GOLIM4: variants seen among roughly 807,000 people sequenced by gnomAD.
The protein encoded by GOLIM4 is 130 kDa golgi-localized phosphoprotein.
A neutral mutation model predicts 107.4 loss-of-function variants in GOLIM4; 71 were observed. The ratio of observed to expected loss-of-function variants is 0.66; its 90% CI spans 0.55 to 0.81. The LOEUF (loss-of-function observed/expected upper bound fraction) is 0.81. Ranked by LOEUF, GOLIM4 falls within the 30% of genes least tolerant of loss-of-function variation. The probability of loss-of-function intolerance (pLI) is 0.00; values close to 1 mark genes in which losing one functional copy is unlikely to be tolerated. For missense variants in GOLIM4, 830 were observed against 826.1 expected (o/e 1.00, Z -0.06); for synonymous variants, 327 against 294.8 (o/e 1.11, Z -1.12).
intron 14 of GOLIM4, among the ~76,000 whole-genome samples, chr3:168,016,975 T>C (rs932212917): frequency 2.7e-5 from 4 of 149,434 alleles, no homozygotes; most frequent in African/African-American, 1.0e-4. Flanking sequence ...TGCACCAGCA[T>C]GGCACATGTA....
chr3:168,046,689 T>C (rs1198988460), intron 3 of GOLIM4, among the ~76,000 whole-genome samples: 1 of 152,004 alleles, frequency 6.6e-6, no homozygotes, highest in African/African-American at 2.4e-5. Flanking sequence ...AACAAATAAA[T>C]GAAATAATCT....
At chr3:168,012,024 A>G (rs376864321) in intron 14 of GOLIM4, among the ~76,000 whole-genome samples, 12,056 of 128,498 alleles carry the variant, frequency 0.094, 1,719 homozygotes, top group African/African-American at 0.35. Flanking sequence ...CACCAGCAAC[A>G]GAACAAAGCT....
intron 7 of GOLIM4, among the ~76,000 whole-genome samples, chr3:168,038,800 T>C (rs1006004545): frequency 2.6e-5 from 4 of 152,206 alleles, no homozygotes; most frequent in Admixed American, 1.3e-4. Context: ...CCTCTCAAAA[T>C]TCATATGTTA....
At chr3:168,010,501 A>G in intron 15 of GOLIM4, 83 bp from the exon 16 acceptor site, 2 of 1,013,188 alleles carry the variant, frequency 2.0e-6, no homozygotes. Context: ...AGGATGAAAA[A>G]TTACTCATTT....
At chr3:168,037,516 A>G (rs1351637710) in intron 7 of GOLIM4, among the ~76,000 whole-genome samples, 1 of 152,074 alleles carries the variant, frequency 6.6e-6, no homozygotes, top group Non-Finnish European at 1.5e-5. Context: ...TTTCCCCCTC[A>G]GTTAATTTGT....
chr3:168,074,356 A>T (rs990122217), intron 1 of GOLIM4, among the ~76,000 whole-genome samples: 3 of 152,210 alleles, frequency 2.0e-5, no homozygotes, highest in African/African-American at 2.4e-5. Flanking sequence ...TAACTAGTCA[A>T]CTTTTCAGGA....
intron 1 of GOLIM4, among the ~76,000 whole-genome samples, chr3:168,068,568 A>T (rs1025343271): frequency 6.6e-6 from 1 of 151,266 alleles, no homozygotes. Context: ...TAACTTAAGG[A>T]TAGTTTTTTT....
intron 5 of GOLIM4, among the ~76,000 whole-genome samples, chr3:168,042,982 TC>T (rs1261526012): frequency 6.6e-6 from 1 of 152,158 alleles, no homozygotes; most frequent in Non-Finnish European, 1.5e-5. Context: ...AAGTCTCTGC[TC>T]CCTTGGAGAT....
intron 1 of GOLIM4, among the ~76,000 whole-genome samples, chr3:168,087,566 G>A (rs1292128045): frequency 6.6e-6 from 1 of 152,160 alleles, no homozygotes; most frequent in Non-Finnish European, 1.5e-5. Context: ...CCCTGGAAAT[G>A]CTGCATCAAA....
At chr3:168,078,963 T>A (rs9823861) in intron 1 of GOLIM4, among the ~76,000 whole-genome samples, 74,140 of 151,516 alleles carry the variant, frequency 0.49, 19,161 homozygotes, top group African/African-American at 0.62. Flanking sequence ...GGTCATATTT[T>A]AAAATTTGTA....
In GOLIM4 at chr3:168,027,798, CCTT is replaced by C. The variant is rs774110873; in HGVS notation, c.1550_1552del (p.Glu517del). On this transcript the variant is annotated inframe_deletion, in exon 12 of 16. Coordinates refer to ENST00000470487, the MANE Select transcript of GOLIM4 (RefSeq NM_014498.5). Reference sequence around the variant, plus strand: ...AGGCTCATGTCTATTACCTGGATCTCCTTCTGCTTCATCTTGGTGCTGGTTGTC... The same window carrying C: ...AGGCTCATGTCTATTACCTGGATCTCCTGCTTCATCTTGGTGCTGGTTGTC... 2 of 1,613,478 alleles carry C rather than the reference CCTT, an allele frequency of 1.2e-6. No homozygotes were observed. Among genetic ancestry groups the C allele is most frequent in the South Asian group, 2.2e-5 (2 of 91,048 alleles).
At chr3:168,029,450 A>G in intron 10 of GOLIM4, 148 bp from the exon 11 acceptor site, 1 of 548,504 alleles carries the variant, frequency 1.8e-6, no homozygotes, top group Non-Finnish European at 3.1e-6. Flanking sequence ...CCTCTTATGT[A>G]TGCAATTAGG....
intron 5 of GOLIM4, among the ~76,000 whole-genome samples, chr3:168,041,949 C>T (rs1719030632): frequency 6.6e-6 from 1 of 151,942 alleles, no homozygotes; most frequent in Admixed American, 6.5e-5. Flanking sequence ...TGTAGTACTG[C>T]CTCAAGACTA....
At chr3:168,073,354 C>T (rs781723184) in intron 1 of GOLIM4, among the ~76,000 whole-genome samples, 15 of 152,170 alleles carry the variant, frequency 9.9e-5, no homozygotes, top group Admixed American at 2.0e-4. Flanking sequence ...TAATAACATT[C>T]ATGTTTAGTA....
chr3:168,043,598 CACAGT>C, intron 4 of GOLIM4, 69 bp from the exon 5 acceptor site: 1 of 1,234,480 alleles, frequency 8.1e-7, no homozygotes, highest in Non-Finnish European at 1.1e-6. Context: ...TTCTTGACAG[CACAGT>C]AAACAAAAAC....
intron 6 of GOLIM4, 90 bp from the exon 7 acceptor site, chr3:168,040,959 C>A: frequency 1.3e-6 from 1 of 798,446 alleles, no homozygotes. Context: ...CCAAATGTTA[C>A]TTGCTTGTTT....
At chr3:168,029,493 G>T (rs1393435233) in intron 10 of GOLIM4, among the ~76,000 whole-genome samples, 191 bp from the exon 11 acceptor site, 1 of 151,708 alleles carries the variant, frequency 6.6e-6, no homozygotes, top group Non-Finnish European at 1.5e-5. Context: ...CTTTCAAAAG[G>T]TATCTTAAAA....
chr3:168,055,679 G>A (rs1465971643), intron 1 of GOLIM4, among the ~76,000 whole-genome samples: 2 of 152,010 alleles, frequency 1.3e-5, no homozygotes, highest in African/African-American at 2.4e-5. Flanking sequence ...GCAGGTACCT[G>A]TAGTCCCAGC....
chr3:168,024,452 C>G (rs1717883708), intron 14 of GOLIM4, 74 bp downstream of exon 14: 1 of 1,066,864 alleles, frequency 9.4e-7, no homozygotes, highest in East Asian at 2.4e-5. Context: ...AAAGTCAATA[C>G]TGCTGAGGTT....
Sources: allele counts gnomAD v4.1 joint callset (sites outside exome capture counted in the v4.1 genomes callset), GRCh38; gene constraint gnomAD v4.1.1; transcripts MANE v1.5; gene names NCBI Gene and HGNC (gene_info 2026-07-23, HGNC 2026-07-21).